Variants in EHMT1 observed in about 807,000 individuals in gnomAD.
EHMT1 encodes the protein histone-lysine N-methyltransferase EHMT1.
In EHMT1, 15 loss-of-function variants were observed where a neutral mutation model predicts 147.2. That is an observed-to-expected ratio of 0.10 (90% CI 0.07 to 0.16). EHMT1 has a LOEUF of 0.16. EHMT1 is among the 10% of genes least tolerant of loss of function. EHMT1 has a pLI of 1.00. For synonymous variants in EHMT1, 795 were observed against 709.6 expected (o/e 1.12, Z -1.91); for missense variants, 1,587 against 1,772.4 (o/e 0.90, Z 1.88).
intron 1 of EHMT1, among the ~76,000 whole-genome samples, chr9:137,707,814 G>A (rs941192259): frequency 6.6e-6 from 1 of 152,190 alleles, no homozygotes; most frequent in Non-Finnish European, 1.5e-5. Context: ...CACAGCTGGT[G>A]CCCAAAAATG....
At chr9:137,779,537 A>T (rs1336515549) in intron 13 of EHMT1, 98 bp from the exon 14 acceptor site, 3 of 1,273,602 alleles carry the variant, frequency 2.4e-6, no homozygotes, top group South Asian at 1.2e-5. Flanking sequence ...CATGAGCTTG[A>T]GGGGCTGGTG....
At position 137,801,076 on chromosome 9, in the gene EHMT1, G is replaced by T. The variant is rs1465150475; in HGVS notation, c.2712+92G>T. The T allele has an allele frequency of 4.4e-6, 5 of 1,148,938 alleles. No homozygotes were observed. In the African/African-American group the frequency reaches 7.7e-5, roughly 18 times the overall value. The allele number at this position is 1,148,938 out of a possible 1,614,324, so 71.2% of individuals were successfully genotyped here. A position where few individuals can be genotyped will look rare whatever the true frequency, so the allele number is the denominator to read the frequency against. ...TTCTTTTCTCAAAAGCAGAACCCTG[G>T]CACCTGGTGGCGGCTTTGACCTCTT... On this transcript the variant is annotated intron_variant, in intron 18 of 26. Transcript: ENST00000460843.
chr9:137,801,918 C>T (rs143659607), intron 18 of EHMT1, among the ~76,000 whole-genome samples: 1,625 of 152,216 alleles, frequency 0.011, 24 homozygotes, highest in African/African-American at 0.037. Flanking sequence ...TGAGCCACCA[C>T]GCCTGGCCCC....
Position 137,813,405 on chromosome 9 carries a change from G to A in EHMT1, c.3055G>A (p.Glu1019Lys). 6.2e-7 allele frequency: 1 copy of A among 1,612,636 alleles called. No individual in the cohort carries two copies. The highest frequency in any genetic ancestry group is 8.5e-7 in the Non-Finnish European group (1 of 1,179,690). Residue 1019 changes from glutamate to lysine, a missense_variant, in exon 21 of 27, where the codon GAG becomes AAG. Around this residue, in one of 7 missense-constraint regions of EHMT1, gnomAD observed 78 missense variants for 68.9 expected, o/e 1.13. Transcript: ENST00000460843. This position sits in a 1 kb window ranked among gnomAD's most constrained non-coding sequence, Gnocchi z 4.9. ...IVSRDIARGY[E>K]RIPIPCVNAV... ...TGGCAGGGACATCGCTCGAGGCTAC[G>A]AGCGCATCCCCATCCCCTGTGTCAA... is the stretch of plus-strand genomic sequence containing the variant.
intron 1 of EHMT1, among the ~76,000 whole-genome samples, chr9:137,655,513 A>G (rs1938347924): frequency 6.6e-6 from 1 of 152,242 alleles, no homozygotes; most frequent in African/African-American, 2.4e-5. Context: ...TGAAGAATGA[A>G]TGAATGAGTT....
intron 18 of EHMT1, among the ~76,000 whole-genome samples, 157 bp downstream of exon 18, chr9:137,801,141 C>T (rs1953448510): frequency 6.6e-6 from 1 of 152,152 alleles, no homozygotes; most frequent in Non-Finnish European, 1.5e-5. Flanking sequence ...TGTGGCTGTC[C>T]TGTGCTGGAT....
chr9:137,832,477 G>A (rs1956276042), intron 25 of EHMT1, among the ~76,000 whole-genome samples: 1 of 142,508 alleles, frequency 7.0e-6, no homozygotes, highest in South Asian at 2.3e-4. Flanking sequence ...CCTCCCACGC[G>A]GCCTCTGCAC....
intron 1 of EHMT1, among the ~76,000 whole-genome samples, chr9:137,634,768 T>C (rs529673253): frequency 6.7e-5 from 10 of 149,920 alleles, no homozygotes; most frequent in African/African-American, 1.7e-4. Context: ...CGTGGTGCGA[T>C]CTCAGCTCAC....
intron 1 of EHMT1, among the ~76,000 whole-genome samples, chr9:137,646,654 C>T (rs963050689): frequency 3.9e-5 from 6 of 152,168 alleles, no homozygotes; most frequent in African/African-American, 1.4e-4. Context: ...CTGTTGTTTT[C>T]ACATCTCGCA....
rs975824634 is a variant in EHMT1, at chr9:137,803,991, G to A, written c.2712+3007G>A. On this transcript the variant is annotated intron_variant, in intron 18 of 26. Transcript: ENST00000460843. ...AGAGGTTTAATTGACTCACCCTTCA[G>A]CGTGGCTGGGGGGTCCTCGGGAAAC... is the stretch of plus-strand genomic sequence containing the variant. Among the ~76,000 whole-genome samples, 6 of 152,112 alleles carry A rather than the reference G, an allele frequency of 3.9e-5. No homozygotes were observed. The South Asian group carries it at 1.0e-3, about 26-fold the overall frequency.
chr9:137,790,579 G>A (rs2137102330), intron 15 of EHMT1, among the ~76,000 whole-genome samples: 1 of 152,262 alleles, frequency 6.6e-6, no homozygotes. Context: ...ATTTCTAAAG[G>A]TGTTGTCACA....
At chr9:137,751,790 T>G (rs1948988855) in intron 6 of EHMT1, among the ~76,000 whole-genome samples, 1 of 152,182 alleles carries the variant, frequency 6.6e-6, no homozygotes, top group Non-Finnish European at 1.5e-5. Flanking sequence ...CTGTCGTCTG[T>G]GGGCCCACGT....
intron 23 of EHMT1, 169 bp from the exon 24 acceptor site, chr9:137,817,270 G>C: frequency 1.3e-6 from 1 of 749,088 alleles, no homozygotes; most frequent in Non-Finnish European, 2.3e-6. Context: ...TTGGCTCCCT[G>C]AGAGTGCGAG....
intron 3 of EHMT1, among the ~76,000 whole-genome samples, chr9:137,724,215 T>C (rs996120218): frequency 1.3e-5 from 2 of 152,188 alleles, no homozygotes; most frequent in Non-Finnish European, 2.9e-5. Context: ...AGCAATTGTG[T>C]GAAGAAGTGC....
chr9:137,767,931 C>A (rs553918553), intron 10 of EHMT1, among the ~76,000 whole-genome samples: 1 of 152,114 alleles, frequency 6.6e-6, no homozygotes, highest in African/African-American at 2.4e-5. Flanking sequence ...TTGGGGTGTT[C>A]AACCTGTTTT....
At position 137,816,202 on chromosome 9, in the gene EHMT1, C is replaced by T. The variant is rs946690103; in HGVS notation, c.3374+140C>T. On this transcript the variant is annotated intron_variant, in intron 23 of 26. Coordinates refer to ENST00000460843, the MANE Select transcript of EHMT1 (RefSeq NM_024757.5). The stretch of plus-strand genomic sequence containing the variant: ...TTTGCAGATAGAGCCGACAAGTTAC[C>T]TGAGCCCTTTATCCTCTAGAAATGT... The T allele has an allele frequency of 1.6e-5, 12 of 762,328 alleles. 1 individual carries two copies. Among genetic ancestry groups the T allele is most frequent in the Non-Finnish European group, 2.5e-5 (11 of 440,922 alleles). The allele number at this position is 762,328 out of a possible 1,614,324, so 47.2% of individuals were successfully genotyped here.
At chr9:137,752,438 T>A in intron 7 of EHMT1, 30 bp downstream of exon 7, 1 of 1,608,530 alleles carries the variant, frequency 6.2e-7, no homozygotes, top group East Asian at 2.2e-5. Flanking sequence ...CCTGCGTCTG[T>A]GCTGATGTAG....
chr9:137,762,926 G>C, intron 10 of EHMT1, 106 bp downstream of exon 10: 1 of 1,497,756 alleles, frequency 6.7e-7, no homozygotes. Context: ...TGCGTGACCA[G>C]GGCGGGAGCC....
At chr9:137,652,469 C>T (rs1239603189) in intron 1 of EHMT1, among the ~76,000 whole-genome samples, 1 of 152,080 alleles carries the variant, frequency 6.6e-6, no homozygotes, top group Non-Finnish European at 1.5e-5. Context: ...TCACTGCAAC[C>T]TCTGCCTCCT....
Sources: allele counts gnomAD v4.1 joint callset (sites outside exome capture counted in the v4.1 genomes callset), GRCh38; gene constraint gnomAD v4.1.1; regional missense constraint gnomAD v4.1.1; non-coding constraint Gnocchi (gnomAD v3.1); transcripts MANE v1.5; gene names NCBI Gene and HGNC (gene_info 2026-07-23, HGNC 2026-07-21).